Variants in PLXNB2 observed in about 807,000 individuals in gnomAD.
PLXNB2 encodes the protein plexin B2, also known as plexin-B2.
PLXNB2 carries 85 observed loss-of-function variants against 202.6 expected under a neutral mutation model. That is an observed-to-expected ratio of 0.42 (90% CI 0.35 to 0.50). The LOEUF is 0.50. Among genes scored for constraint, PLXNB2 ranks in the 20% least tolerant of loss-of-function variants. PLXNB2 has a pLI of 0.02. For missense variants in PLXNB2, 2,063 were observed against 2,586.2 expected (o/e 0.80, Z 4.39); for synonymous variants, 1,239 against 1,137.6 (o/e 1.09, Z -1.79).
intron 1 of PLXNB2, among the ~76,000 whole-genome samples, chr22:50,298,514 C>T (rs906723750): frequency 1.2e-4 from 18 of 152,228 alleles, no homozygotes; most frequent in African/African-American, 7.2e-5. Flanking sequence ...GTGGGGGCTG[C>T]CAGGCCCCCA....
Position 50,275,671 on chromosome 22 carries a change from C to G in PLXNB2, c.*33G>C. On this transcript the variant is annotated 3_prime_UTR_variant, in exon 37 of 37. Coordinates refer to ENST00000359337, the MANE Select transcript of PLXNB2 (RefSeq NM_012401.4). The stretch of plus-strand genomic sequence containing the variant: ...GAGGGGCTCTCAGGTACCTCAGGTA[C>G]CTATGTCCCAAGGCAGCACTGGAGA... 6.9e-7 allele frequency: 1 copy of G among 1,446,738 alleles called. No individual in the cohort carries two copies. The highest frequency in any genetic ancestry group is 2.3e-5 in the East Asian group (1 of 43,846). 89.6% of individuals were successfully genotyped at this position (1,446,738 alleles called of 1,614,324 possible). A position where few individuals can be genotyped will look rare whatever the true frequency, so the allele number is the denominator to read the frequency against.
In PLXNB2 at chr22:50,283,197, C is replaced by T; in HGVS notation, c.2680-11G>A. ...GAGAGGCTTGGGCTGCTGAAAGAGC[C>T]GCAGGGGCACTCGGGTGAGGACGGG... is the stretch of plus-strand genomic sequence containing the variant. On this transcript the variant is annotated splice_polypyrimidine_tract_variant and intron_variant, in intron 16 of 36. Transcript: ENST00000359337. The T allele has an allele frequency of 1.9e-6, 3 of 1,599,086 alleles. No homozygotes were observed. Among genetic ancestry groups the T allele is most frequent in the Non-Finnish European group, 2.6e-6 (3 of 1,173,870 alleles).
At position 50,291,790 on chromosome 22, in the gene PLXNB2, C is replaced by T. The variant is rs898986888; in HGVS notation, c.-13-1193G>A. On this transcript the variant is annotated intron_variant, in intron 2 of 36. Transcript: ENST00000359337. This position sits in a 1 kb window ranked among gnomAD's most constrained non-coding sequence, Gnocchi z 4.3. Reference sequence around the variant, plus strand: ...CAACCACCCCCACTCCTGGGCCCACCATCATCTTCCCTGAGTGCACCAGTA... The same window carrying T: ...CAACCACCCCCACTCCTGGGCCCACTATCATCTTCCCTGAGTGCACCAGTA... Among the ~76,000 whole-genome samples the T allele has an allele frequency of 6.6e-6, 1 of 152,180 alleles. No homozygotes were observed. Among genetic ancestry groups the T allele is most frequent in the Non-Finnish European group, 1.5e-5 (1 of 68,026 alleles).
intron 1 of PLXNB2, chr22:50,301,436 AACC>A (rs2067676022): frequency 2.0e-6 from 2 of 981,102 alleles, no homozygotes. Context: ...CTACAGCAGG[AACC>A]ACCAACTCAT....
rs766516184 is a variant in PLXNB2 at position 50,290,215 on chromosome 22, C to T, written c.370G>A (p.Ala124Thr). ...SLFKGICALR[A>T]LSNISLRLFY... is the part of the protein sequence containing the mutation. ...AGGCGGAGGGAGATGTTGCTCAGGGCGCGCAGAGCGCAGATGCCCTTGAAG... is the reference window on the plus strand; with the variant it reads ...AGGCGGAGGGAGATGTTGCTCAGGGTGCGCAGAGCGCAGATGCCCTTGAAG... Residue 124 changes from alanine to threonine, a missense_variant, in exon 3 of 37, where the codon GCC becomes ACC. Around this residue, in one of 2 missense-constraint regions of PLXNB2, gnomAD observed 1,303 missense variants for 1,476.8 expected, o/e 0.88. Coordinates refer to ENST00000359337, the MANE Select transcript of PLXNB2 (RefSeq NM_012401.4). 3.7e-6 allele frequency: 6 copies of T among 1,612,064 alleles called. No individual in the cohort carries two copies. Among genetic ancestry groups the T allele is most frequent in the East Asian group, 2.2e-5 (1 of 44,904 alleles).
chr22:50,287,860 T>C (rs1465478189), intron 6 of PLXNB2, 67 bp from the exon 7 acceptor site: 2 of 1,594,274 alleles, frequency 1.3e-6, no homozygotes, highest in Admixed American at 1.7e-5. Flanking sequence ...GACAGTGCGA[T>C]GTGCCCCCCG....
At chr22:50,280,194 G>C (rs752812502) in intron 25 of PLXNB2, 123 bp from the exon 26 acceptor site, 27 of 761,996 alleles carry the variant, frequency 3.5e-5, no homozygotes, top group Non-Finnish European at 5.6e-5. Flanking sequence ...GGTGTGGCCT[G>C]CAGCGAGGAC....
chr22:50,277,701 G>C lies in PLXNB2; in HGVS notation c.5086C>G (p.Pro1696Ala). 6.2e-7 allele frequency: 1 copy of C among 1,605,480 alleles called. No homozygotes were observed. The highest frequency in any genetic ancestry group is 8.5e-7 in the Non-Finnish European group (1 of 1,174,866). Residue 1696 changes from proline (P) to alanine (A), a missense_variant, in exon 33 of 37, where the codon CCC becomes GCC. This residue lies in a region of PLXNB2 where 760 missense variants were observed against 1,109.4 expected (regional missense o/e 0.69). Transcript: ENST00000359337. ...ACATGCACGTCAAAGATGAAGTGGG[G>C]GTTCTTGAGGATGTTCACCCAGAAC... ...LRFWVNILKN[P>A]HFIFDVHVHE...
At chr22:50,290,953 CT>C (rs112066589) in intron 2 of PLXNB2, among the ~76,000 whole-genome samples, 1 of 152,312 alleles carries the variant, frequency 6.6e-6, no homozygotes, top group African/African-American at 2.4e-5. Context: ...TTCATGCCCC[CT>C]GACCTGTGAC....
At chr22:50,283,275 C>T (rs955494428) in intron 16 of PLXNB2, 62 bp downstream of exon 16, 78 of 1,604,026 alleles carry the variant, frequency 4.9e-5, no homozygotes, top group South Asian at 8.8e-5. Flanking sequence ...GGGGAGGCGG[C>T]GGGCAGAGCC....
chr22:50,284,943 C>A lies in PLXNB2; in HGVS notation c.2089-278G>T. On this transcript the variant is annotated intron_variant, in intron 11 of 36. Transcript: ENST00000359337. This position sits in a 1 kb window ranked among gnomAD's most constrained non-coding sequence, Gnocchi z 8.0. ...GAACATCGCCCGGCCCACCTGACAT[C>A]GTGGCCCCCACAGCTCCCTCCTCAG... 1.8e-6 allele frequency: 1 copy of A among 569,832 alleles called. No homozygotes were observed. The highest frequency in any genetic ancestry group is 3.4e-6 in the Non-Finnish European group (1 of 292,092). The allele number at this position is 569,832 out of a possible 1,614,324, so 35.3% of individuals were successfully genotyped here. A position where few individuals can be genotyped will look rare whatever the true frequency, so the allele number is the denominator to read the frequency against.
rs565296754 is a variant in PLXNB2, at chr22:50,301,348, G to A, written c.-74+6205C>T. ...AGCTGGGCAGCGCAATGAACCTACC[G>A]ATGTCTCCGTGCTTCCTGAGGACCT... On this transcript the variant is annotated intron_variant, in intron 1 of 36. Coordinates refer to ENST00000359337, the MANE Select transcript of PLXNB2 (RefSeq NM_012401.4). 7.2e-6 allele frequency: 7 copies of A among 976,594 alleles called. No homozygotes were observed. The East Asian group carries it at 3.4e-4, about 48-fold the overall frequency. The allele number at this position is 976,594 out of a possible 1,614,324, so 60.5% of individuals were successfully genotyped here. A position where few individuals can be genotyped will look rare whatever the true frequency, so the allele number is the denominator to read the frequency against.
chr22:50,284,032 C>T lies in PLXNB2; in HGVS notation c.2264-42G>A, dbSNP rs752719890. ...CGTCAGTGGTCACCCCGTGCCTGCC[C>T]GCCCCCGACCTGCTCCCCACTGCGC... On this transcript the variant is annotated intron_variant, in intron 13 of 36. Transcript: ENST00000359337. This position sits in a 1 kb window ranked among gnomAD's most constrained non-coding sequence, Gnocchi z 8.0. The T allele has an allele frequency of 2.6e-5, 40 of 1,521,466 alleles. No homozygotes were observed. The highest frequency in any genetic ancestry group is 2.2e-4 in the Admixed American group (11 of 50,358). 94.2% of individuals were successfully genotyped at this position (1,521,466 alleles called of 1,614,324 possible).
intron 1 of PLXNB2, 38 bp downstream of exon 1, chr22:50,307,515 G>A: frequency 2.1e-6 from 2 of 962,418 alleles, no homozygotes; most frequent in Non-Finnish European, 2.5e-6. Flanking sequence ...CACGCCCAGC[G>A]AGACGTCCCC....
In PLXNB2 at chr22:50,297,633, C is replaced by T. The variant is rs572837515; in HGVS notation, c.-73-2855G>A. On this transcript the variant is annotated intron_variant, in intron 1 of 36. Coordinates refer to ENST00000359337, the MANE Select transcript of PLXNB2 (RefSeq NM_012401.4). This position sits in a 1 kb window ranked among gnomAD's most constrained non-coding sequence, Gnocchi z 5.3. ...CTCCATCTCCTGCTCACAAGATTCC[C>T]GCTTAGCTACCCCAGAAAAAGGAGT... Among the ~76,000 whole-genome samples the T allele has an allele frequency of 7.2e-5, 11 of 152,290 alleles. No homozygotes were observed. Among genetic ancestry groups the T allele is most frequent in the South Asian group, 4.1e-4 (2 of 4,826 alleles).
Position 50,289,017 on chromosome 22 carries a change from G to T in PLXNB2, c.1194C>A (p.Ala398=). 6.2e-7 allele frequency: 1 copy of T among 1,610,394 alleles called. No homozygotes were observed. The change falls in exon 4 of 37, where the codon GCC becomes GCA. Residue 398 remains alanine (A), a synonymous_variant. Coordinates refer to ENST00000359337, the MANE Select transcript of PLXNB2 (RefSeq NM_012401.4). This position sits in a 1 kb window ranked among gnomAD's most constrained non-coding sequence, Gnocchi z 8.0. The part of the protein sequence containing the change: ...GGLNLTAVTV[A]AENNHTVAFL... Reference sequence around the variant, plus strand: ...AAGCAACAGTGTGGTTGTTCTCGGCGGCGACCGTCACGGCCGTGAGGTTCA... The same window carrying T: ...AAGCAACAGTGTGGTTGTTCTCGGCTGCGACCGTCACGGCCGTGAGGTTCA...
In PLXNB2 at chr22:50,291,816, C is replaced by T. The variant is rs1255622525; in HGVS notation, c.-13-1219G>A. On this transcript the variant is annotated intron_variant, in intron 2 of 36. Coordinates refer to ENST00000359337, the MANE Select transcript of PLXNB2 (RefSeq NM_012401.4). This position sits in a 1 kb window ranked among gnomAD's most constrained non-coding sequence, Gnocchi z 4.3. The stretch of plus-strand genomic sequence containing the variant: ...ATCATCTTCCCTGAGTGCACCAGTA[C>T]GGGGGGCTCCCAGGTGTCCAGGGCA... 1.3e-5 allele frequency among the ~76,000 whole-genome samples: 2 copies of T among 152,128 alleles called. No individual in the cohort carries two copies. Among genetic ancestry groups the T allele is most frequent in the African/African-American group, 2.4e-5 (1 of 41,424 alleles).
chr22:50,287,827 G>A (rs2066576142), intron 6 of PLXNB2, 34 bp from the exon 7 acceptor site: 1 of 1,595,584 alleles, frequency 6.3e-7, no homozygotes, highest in South Asian at 1.1e-5. Flanking sequence ...AGCCCAGGGT[G>A]GAGTCTTGTT....
intron 32 of PLXNB2, 43 bp from the exon 33 acceptor site, chr22:50,277,781 G>T (rs371200732): frequency 6.3e-7 from 1 of 1,597,644 alleles, no homozygotes; most frequent in East Asian, 2.2e-5. Flanking sequence ...GCTGGGCCGC[G>T]GGGTGGGTGT....
Sources: gnomAD v4.1 joint callset for allele counts (sites outside exome capture counted in the v4.1 genomes callset) on GRCh38, gnomAD v4.1.1 for gene constraint, gnomAD v4.1.1 regional missense constraint, Gnocchi (gnomAD v3.1) non-coding constraint, MANE v1.5 for transcripts, NCBI Gene and HGNC (gene_info 2026-07-23, HGNC 2026-07-21) for gene names.